Variants in CREB1 observed in about 807,000 individuals in gnomAD.
CREB1 encodes the protein cyclic AMP-responsive element-binding protein 1.
CREB1 carries 2 observed loss-of-function variants against 42.0 expected under a neutral mutation model. That is an observed-to-expected ratio of 0.05 (90% CI 0.02 to 0.15). CREB1 has a LOEUF of 0.15. Among genes scored for constraint, CREB1 ranks in the 10% least tolerant of loss-of-function variants. The pLI is 1.00. For missense variants in CREB1, 199 were observed against 388.9 expected (o/e 0.51, Z 4.11); for synonymous variants, 123 against 139.9 (o/e 0.88, Z 0.85).
At chr2:207,588,888 T>TG (rs2084418429) in intron 7 of CREB1, among the ~76,000 whole-genome samples, 1 of 131,766 alleles carries the variant, frequency 7.6e-6, no homozygotes, top group Non-Finnish European at 1.7e-5. Flanking sequence ...AGGAGCTTTG[T>TG]CGGGGGGGGT....
At chr2:207,578,545 A>G (rs112864458) in intron 7 of CREB1, among the ~76,000 whole-genome samples, 1 of 152,264 alleles carries the variant, frequency 6.6e-6, no homozygotes, top group African/African-American at 2.4e-5. Context: ...GTAAAATGGG[A>G]TTCCAGCACA....
At chr2:207,594,692 A>C (rs983526444) in intron 7 of CREB1, among the ~76,000 whole-genome samples, 35 of 152,310 alleles carry the variant, frequency 2.3e-4, no homozygotes, top group African/African-American at 8.4e-4. Context: ...GTGTTCAGAT[A>C]TCTCTTCAAT....
At chr2:207,534,276 G>T (rs945815310) in intron 1 of CREB1, among the ~76,000 whole-genome samples, 1 of 152,074 alleles carries the variant, frequency 6.6e-6, no homozygotes, top group Non-Finnish European at 1.5e-5. Context: ...TTGCTCTGTT[G>T]CCCAGGATGG....
At chr2:207,554,745 A>G (rs985591981) in intron 1 of CREB1, among the ~76,000 whole-genome samples, 6 of 152,360 alleles carry the variant, frequency 3.9e-5, no homozygotes, top group Middle Eastern at 3.4e-3. Flanking sequence ...TTACAATTAA[A>G]ATATATAAAT....
intron 1 of CREB1, among the ~76,000 whole-genome samples, chr2:207,552,260 G>A (rs899774510): frequency 1.3e-5 from 2 of 151,938 alleles, no homozygotes; most frequent in Admixed American, 1.3e-4. Flanking sequence ...ATTCACTAAT[G>A]GCTTTGTTCC....
intron 1 of CREB1, among the ~76,000 whole-genome samples, chr2:207,547,396 C>T (rs1574793508): frequency 6.6e-6 from 1 of 152,254 alleles, no homozygotes; most frequent in Non-Finnish European, 1.5e-5. Context: ...AGCTAGTTTA[C>T]GAAGCAGAAC....
At chr2:207,566,330 G>T (rs562291838) in intron 3 of CREB1, among the ~76,000 whole-genome samples, 23 of 152,260 alleles carry the variant, frequency 1.5e-4, no homozygotes, top group Admixed American at 2.6e-4. Context: ...TTTTGACGTG[G>T]AGCTGACCTA....
chr2:207,530,822 A>G (rs762275130), intron 1 of CREB1, among the ~76,000 whole-genome samples: 2 of 151,638 alleles, frequency 1.3e-5, no homozygotes, highest in South Asian at 2.1e-4. Flanking sequence ...TCGAAACCCA[A>G]GGTTTCCTCT....
chr2:207,577,625 G>A lies in CREB1; in HGVS notation c.809G>A (p.Arg270Gln), dbSNP rs2082645570. Reference protein sequence around the residue: ...LPTQPAEEAARKREVRLMKNR... With the variant: ...LPTQPAEEAAQKREVRLMKNR... ...ACACAGCCTGCTGAAGAAGCAGCAC[G>A]AAAGAGAGAGGTCCGTCTAATGAAG... The change falls in exon 7 of 8, where the codon CGA becomes CAA. Residue 270 changes from arginine to glutamine, a missense_variant. Physicochemically the swap from Arg to Gln is conservative, Grantham distance 43. Coordinates refer to ENST00000353267, the MANE Select transcript of CREB1 (RefSeq NM_004379.5). The A allele has an allele frequency of 6.2e-7, 1 of 1,614,016 alleles. No homozygotes were observed. Among genetic ancestry groups the A allele is most frequent in the Non-Finnish European group, 8.5e-7 (1 of 1,179,986 alleles).
intron 1 of CREB1, among the ~76,000 whole-genome samples, chr2:207,545,754 A>T (rs1450456035): frequency 3.5e-5 from 5 of 140,856 alleles, no homozygotes; most frequent in Non-Finnish European, 7.6e-5. Flanking sequence ...TTTTTGTGAG[A>T]TGGAGTTTCG....
intron 1 of CREB1, among the ~76,000 whole-genome samples, chr2:207,546,053 CT>C (rs1284727700): frequency 1.1e-4 from 16 of 152,142 alleles, no homozygotes. Flanking sequence ...TTTTCTTTAA[CT>C]GAGGAAATTA....
rs185632721 is a variant in CREB1, at chr2:207,548,979, T to C, written c.-8-6649T>C. 1.7e-3 allele frequency among the ~76,000 whole-genome samples: 252 copies of C among 152,358 alleles called. 1 individual carries two copies. Among genetic ancestry groups the C allele is most frequent in the Middle Eastern group, 6.8e-3 (2 of 294 alleles). On this transcript the variant is annotated intron_variant, in intron 1 of 7. Coordinates refer to ENST00000353267, the MANE Select transcript of CREB1 (RefSeq NM_004379.5). Reference sequence around the variant, plus strand: ...GTATAACTTTTCTTGCTTTGTAATATCTAGATTGGAGGCTGAAATAAGGAT... The same window carrying C: ...GTATAACTTTTCTTGCTTTGTAATACCTAGATTGGAGGCTGAAATAAGGAT...
intron 7 of CREB1, chr2:207,580,500 A>G (rs1329775963): frequency 4.6e-6 from 1 of 217,324 alleles, no homozygotes; most frequent in Non-Finnish European, 9.3e-6. Flanking sequence ...TTCCTCTTCT[A>G]GTGTGGCTAT....
At chr2:207,582,481 T>G (rs897689470) in intron 7 of CREB1, among the ~76,000 whole-genome samples, 37 of 152,210 alleles carry the variant, frequency 2.4e-4, no homozygotes, top group Non-Finnish European at 4.7e-4. Flanking sequence ...CCAATACTAT[T>G]GTTATTTATT....
At position 207,597,093 on chromosome 2, in the gene CREB1, A is replaced by C; in HGVS notation, c.*35A>C. ...TAAATTTTCACCTGTTAAGGTGGAA[A>C]ATGGACTGGCTTGGCCACAACCTGA... On this transcript the variant is annotated 3_prime_UTR_variant, in exon 8 of 8. Coordinates refer to ENST00000353267, the MANE Select transcript of CREB1 (RefSeq NM_004379.5). 2.5e-6 allele frequency: 4 copies of C among 1,574,544 alleles called. 1 individual carries two copies. In the South Asian group the frequency reaches 3.5e-5, roughly 14 times the overall value.
chr2:207,561,057 T>G, intron 3 of CREB1: 1 of 1,472,412 alleles, frequency 6.8e-7, no homozygotes, highest in African/African-American at 1.4e-5. Context: ...AAAAAAAGAC[T>G]TGAACGTTCA....
At position 207,604,165 on chromosome 2, in the gene CREB1, G is replaced by A. The variant is rs971792616; in HGVS notation, c.*7107G>A. 1.3e-5 allele frequency among the ~76,000 whole-genome samples: 2 copies of A among 152,190 alleles called. No homozygotes were observed. The highest frequency in any genetic ancestry group is 2.9e-5 in the Non-Finnish European group (2 of 68,032). On this transcript the variant is annotated 3_prime_UTR_variant, in exon 8 of 8. Transcript: ENST00000353267. Reference sequence around the variant, plus strand: ...CACGTTCAGGTGCTTGGACCTTCAGGAAAAGATTGCCCATCTTGTCATTTG... The same window carrying A: ...CACGTTCAGGTGCTTGGACCTTCAGAAAAAGATTGCCCATCTTGTCATTTG...
rs1330233509 is a variant in CREB1 at position 207,603,371 on chromosome 2, CAT to C, written c.*6315_*6316del. 5 of 224,646 alleles carry C rather than the reference CAT, an allele frequency of 2.2e-5. No individual in the cohort carries two copies. The highest frequency in any genetic ancestry group is 5.7e-5 in the Admixed American group (1 of 17,502). 13.9% of individuals were successfully genotyped at this position (224,646 alleles called of 1,614,324 possible). ...CTGTAATCTTTGTGGTATCAACTGT[CAT>C]AATGCTCTTTTTACACAAACATTTA... On this transcript the variant is annotated 3_prime_UTR_variant, in exon 8 of 8. Coordinates refer to ENST00000353267, the MANE Select transcript of CREB1 (RefSeq NM_004379.5).
intron 1 of CREB1, among the ~76,000 whole-genome samples, chr2:207,539,225 TGTATTTTTA>T (rs2080997731): frequency 6.7e-6 from 1 of 149,876 alleles, no homozygotes; most frequent in Non-Finnish European, 1.5e-5. Flanking sequence ...TTTTTTTTTT[TGTATTTTTA>T]GTAGAGACAG....
Sources: allele counts gnomAD v4.1 joint callset (sites outside exome capture counted in the v4.1 genomes callset), GRCh38; gene constraint gnomAD v4.1.1; transcripts MANE v1.5; gene names NCBI Gene and HGNC (gene_info 2026-07-23, HGNC 2026-07-21).